The following CEP164 variants were observed in gnomAD, a reference collection of about 807,000 sequenced individuals.
CEP164 encodes centrosomal protein 164.
CEP164 carries 162 observed loss-of-function variants against 182.7 expected under a neutral mutation model. The ratio of observed to expected loss-of-function variants is 0.89; its 90% confidence interval spans 0.78 to 1.01. The LOEUF is 1.01. Ranked by LOEUF, CEP164 falls within the 50% of genes least tolerant of loss-of-function variation. CEP164 has a pLI of 0.00. For missense variants in CEP164, 1,735 were observed against 1,790.4 expected (o/e 0.97, Z 0.56); for synonymous variants, 661 against 690.0 (o/e 0.96, Z 0.66).
chr11:117,355,991 G>T lies in CEP164; in HGVS notation c.393+4003G>T, dbSNP rs2040248304. The T allele has an allele frequency of 3.9e-6, 4 of 1,031,690 alleles. No individual in the cohort carries two copies. In the South Asian group the frequency reaches 1.0e-4, roughly 26 times the overall value. 63.9% of individuals were successfully genotyped at this position (1,031,690 alleles called of 1,614,324 possible). ...TCAGAAGCCTAGCTTGTCTGGGCCT[G>T]ACTTGGAGAGCAGCAGCAGCAGCAG... is the stretch of plus-strand genomic sequence containing the variant. On this transcript the variant is annotated intron_variant, in intron 5 of 32. Transcript: ENST00000278935.
upstream of CEP164, among the ~76,000 whole-genome samples, chr11:117,325,825 A>G (rs573884841): frequency 1.5e-4 from 23 of 151,436 alleles, no homozygotes; most frequent in African/African-American, 5.3e-4. Flanking sequence ...AGAGAGGGAA[A>G]CTCCAAAAGA....
chr11:117,380,519 C>T lies in CEP164; in HGVS notation c.1318-95C>T, dbSNP rs1193772014. The T allele has an allele frequency of 4.2e-6, 4 of 962,508 alleles. 1 individual carries two copies. The highest frequency in any genetic ancestry group is 3.0e-5 in the South Asian group (2 of 67,360). The allele number at this position is 962,508 out of a possible 1,614,324, so 59.6% of individuals were successfully genotyped here. A position where few individuals can be genotyped will look rare whatever the true frequency, so the allele number is the denominator to read the frequency against. The stretch of plus-strand genomic sequence containing the variant: ...TCCCATCTTCTGGAGAGCAACTTCT[C>T]AGTGCTTTCGTCTAAGCTTGAGAGC... On this transcript the variant is annotated intron_variant, in intron 11 of 32. Coordinates refer to ENST00000278935, the MANE Select transcript of CEP164 (RefSeq NM_014956.5).
chr11:117,328,880 T>C (rs2035756855), intron 1 of CEP164, among the ~76,000 whole-genome samples: 1 of 152,152 alleles, frequency 6.6e-6, no homozygotes, highest in Non-Finnish European at 1.5e-5. Flanking sequence ...TGTTCTGGCT[T>C]TAGTGCTCTG....
intron 27 of CEP164, among the ~76,000 whole-genome samples, chr11:117,401,064 C>T (rs546589801): frequency 3.9e-5 from 6 of 152,152 alleles, no homozygotes; most frequent in African/African-American, 9.6e-5. Flanking sequence ...TGTCTTGTGC[C>T]GGTTTTCAAA....
chr11:117,356,112 A>C, intron 5 of CEP164: 2 of 1,050,832 alleles, frequency 1.9e-6, no homozygotes, highest in Non-Finnish European at 2.3e-6. Flanking sequence ...GGATCTGAGG[A>C]GGGTATGGCT....
At chr11:117,365,457 A>G (rs1167577101) in intron 8 of CEP164, among the ~76,000 whole-genome samples, 1 of 152,094 alleles carries the variant, frequency 6.6e-6, no homozygotes, top group Non-Finnish European at 1.5e-5. Flanking sequence ...TGGATGGAAG[A>G]TCCTGATGTG....
intron 9 of CEP164, 96 bp downstream of exon 9, chr11:117,371,562 A>G: frequency 1.4e-6 from 2 of 1,438,990 alleles, no homozygotes; most frequent in Admixed American, 4.8e-5. Flanking sequence ...TTTATTACTG[A>G]GTCAGGAGCT....
chr11:117,345,743 A>G (rs1565437347), intron 4 of CEP164, among the ~76,000 whole-genome samples: 3 of 151,880 alleles, frequency 2.0e-5, no homozygotes, highest in East Asian at 1.9e-4. Context: ...CTGGAGTGCA[A>G]TGGCACGATC....
chr11:117,396,271 G>T lies in CEP164; in HGVS notation c.3216+91G>T, dbSNP rs544543002. The T allele has an allele frequency of 4.2e-6, 6 of 1,421,850 alleles. No homozygotes were observed. In the East Asian group the frequency reaches 9.1e-5, roughly 22 times the overall value. 88.1% of individuals were successfully genotyped at this position (1,421,850 alleles called of 1,614,324 possible). A position where few individuals can be genotyped will look rare whatever the true frequency, so the allele number is the denominator to read the frequency against. ...GGCATCAGGGGAGTACTTCCAGAGG[G>T]GACAGCTCATCAGGAGGGGTGGAGC... On this transcript the variant is annotated intron_variant, in intron 25 of 32. Transcript: ENST00000278935.
At chr11:117,408,119 C>T (rs980823915) in intron 28 of CEP164, 87 bp downstream of exon 28, 81 of 1,017,938 alleles carry the variant, frequency 8.0e-5, no homozygotes, top group South Asian at 2.5e-4. Context: ...GTCCTGCATC[C>T]GGGGGAGTTG....
chr11:117,402,914 G>A (rs143793430), intron 27 of CEP164, among the ~76,000 whole-genome samples: 5 of 152,254 alleles, frequency 3.3e-5, no homozygotes, highest in East Asian at 1.9e-4. Flanking sequence ...TCCCTTTACC[G>A]TTATGTAATG....
intron 27 of CEP164, among the ~76,000 whole-genome samples, chr11:117,406,240 G>A (rs915644380): frequency 6.6e-6 from 1 of 152,190 alleles, no homozygotes; most frequent in African/African-American, 2.4e-5. Flanking sequence ...ATGGCGGGAG[G>A]CAAAAGGCAC....
rs1404165140 is a variant in CEP164, at chr11:117,386,911, C to G, written c.1725-292C>G. 8.0e-6 allele frequency: 3 copies of G among 375,492 alleles called. No homozygotes were observed. In the East Asian group the frequency reaches 1.5e-4, roughly 19 times the overall value. 23.3% of individuals were successfully genotyped at this position (375,492 alleles called of 1,614,324 possible). A position where few individuals can be genotyped will look rare whatever the true frequency, so the allele number is the denominator to read the frequency against. On this transcript the variant is annotated intron_variant, in intron 14 of 32. Coordinates refer to ENST00000278935, the MANE Select transcript of CEP164 (RefSeq NM_014956.5). ...CTCCCTGCTGCTGCCAGCTCTTGAG[C>G]CGCAGCTTCAGATTTTGATCTTGGG...
chr11:117,354,003 C>CCTTCTT (rs142197131), intron 5 of CEP164, among the ~76,000 whole-genome samples: 68 of 119,614 alleles, frequency 5.7e-4, no homozygotes, highest in African/African-American at 9.4e-4. Context: ...TTCTTCTTCT[C>CCTTCTT]CTTCTTCTTC....
intron 11 of CEP164, among the ~76,000 whole-genome samples, chr11:117,377,923 G>C (rs2136061048): frequency 6.6e-6 from 1 of 151,954 alleles, no homozygotes; most frequent in African/African-American, 2.4e-5. Flanking sequence ...GCAGTGTCAT[G>C]ATCTTGGCTC....
At chr11:117,353,981 G>T (rs1441676822) in intron 5 of CEP164, among the ~76,000 whole-genome samples, 3 of 149,208 alleles carry the variant, frequency 2.0e-5, no homozygotes, top group African/African-American at 7.5e-5. Flanking sequence ...CCTTGGTAAG[G>T]TTGGTGGACT....
chr11:117,334,743 C>T (rs1332913014), intron 1 of CEP164, among the ~76,000 whole-genome samples: 2 of 144,098 alleles, frequency 1.4e-5, no homozygotes, highest in Non-Finnish European at 3.0e-5. Flanking sequence ...CAAGATCGTG[C>T]CACTGCACTC....
rs1375540020 is a variant in CEP164 at position 117,394,908 on chromosome 11, C to T, written c.2761-12C>T. ...ACTCTTTCTATGCTTATGTGTTTCCCTTTCTGGGCAGGAAAGGAAGCTCCA... is the reference window on the plus strand; with the variant it reads ...ACTCTTTCTATGCTTATGTGTTTCCTTTTCTGGGCAGGAAAGGAAGCTCCA... On this transcript the variant is annotated splice_polypyrimidine_tract_variant and intron_variant, in intron 21 of 32. Transcript: ENST00000278935. This position sits in a 1 kb window ranked among gnomAD's most constrained non-coding sequence, Gnocchi z 4.0. 1 of 1,613,762 alleles carries T rather than the reference C, an allele frequency of 6.2e-7. No homozygotes were observed. The highest frequency in any genetic ancestry group is 1.1e-5 in the South Asian group (1 of 90,968).
rs2047357337 is a variant in CEP164, at chr11:117,411,528, T to C, written c.4164-267T>C. On this transcript the variant is annotated intron_variant, in intron 31 of 32. Coordinates refer to ENST00000278935, the MANE Select transcript of CEP164 (RefSeq NM_014956.5). The surrounding 1 kb of genome is among the most constrained non-coding windows in gnomAD (Gnocchi z 4.4). ...AGAGGGGAGCGCTTTGCTGATGAGATTGGCGGGAGCAGGCGGATGTGGGAG... is the reference window on the plus strand; with the variant it reads ...AGAGGGGAGCGCTTTGCTGATGAGACTGGCGGGAGCAGGCGGATGTGGGAG... 4.8e-6 allele frequency: 2 copies of C among 413,228 alleles called. No individual in the cohort carries two copies. Among genetic ancestry groups the C allele is most frequent in the East Asian group, 1.0e-4 (2 of 19,508 alleles). 25.6% of individuals were successfully genotyped at this position (413,228 alleles called of 1,614,324 possible).
Sources: allele counts gnomAD v4.1 joint callset (sites outside exome capture counted in the v4.1 genomes callset), GRCh38; gene constraint gnomAD v4.1.1; non-coding constraint Gnocchi (gnomAD v3.1); transcripts MANE v1.5; gene names NCBI Gene and HGNC (gene_info 2026-07-23, HGNC 2026-07-21).